Variants in ATR observed in about 807,000 individuals in gnomAD.
ATR encodes the protein ATR checkpoint kinase, also known as serine/threonine-protein kinase ATR.
A neutral mutation model predicts 305.3 loss-of-function variants in ATR; 142 were observed. That is an observed-to-expected ratio of 0.47 (90% CI 0.41 to 0.53). ATR has a LOEUF of 0.53. ATR is among the 20% of genes least tolerant of loss of function. The pLI, the probability that ATR is intolerant of heterozygous loss-of-function variation, is 0.00. For synonymous variants in ATR, 1,050 were observed against 1,068.1 expected (o/e 0.98, Z 0.33); for missense variants, 2,135 against 3,133.1 (o/e 0.68, Z 7.60).
chr3:142,515,322 T>C (rs2108379656), intron 25 of ATR, 73 bp downstream of exon 25: 4 of 1,573,410 alleles, frequency 2.5e-6, no homozygotes, highest in Non-Finnish European at 3.5e-6. Context: ...TTGTGTGTGC[T>C]AGGCATTCAG....
chr3:142,505,234 A>C lies in ATR; in HGVS notation c.5101T>G (p.Ser1701Ala), dbSNP rs2108355738. 1 of 1,614,112 alleles carries C rather than the reference A, an allele frequency of 6.2e-7. No homozygotes were observed. Among genetic ancestry groups the C allele is most frequent in the South Asian group, 1.1e-5 (1 of 91,078 alleles). Reference protein sequence around the residue: ...GVSAIRKAEPSLKEQILEHES... With the variant: ...GVSAIRKAEPALKEQILEHES... ...TGTTCAAGGATCTGTTCTTTTAGAG[A>C]TGGTTCTGCCTTTCTAATTGCACTG... Residue 1701 changes from serine (S) to alanine (A), a missense_variant, in exon 29 of 47, where the codon TCT becomes GCT. By Grantham distance (99) the Ser-to-Ala change is moderately conservative. Coordinates refer to ENST00000350721, the MANE Select transcript of ATR (RefSeq NM_001184.4).
chr3:142,485,630 G>C (rs1024050302), intron 35 of ATR, among the ~76,000 whole-genome samples: 2 of 152,158 alleles, frequency 1.3e-5, no homozygotes, highest in Admixed American at 6.5e-5. Flanking sequence ...ATATGTGTGT[G>C]TGTGTATATA....
chr3:142,458,954 A>T lies in ATR; in HGVS notation c.7503+4T>A, dbSNP rs2108259777. 1 of 1,613,462 alleles carries T rather than the reference A, an allele frequency of 6.2e-7. No individual in the cohort carries two copies. The highest frequency in any genetic ancestry group is 2.2e-5 in the East Asian group (1 of 44,858). ...AATTAGTAAGAGTAACTCATATCACATACCTTATTGAAAAGACAATTGAAA... is the reference window on the plus strand; with the variant it reads ...AATTAGTAAGAGTAACTCATATCACTTACCTTATTGAAAAGACAATTGAAA... On this transcript the variant is annotated splice_donor_region_variant and intron_variant, in intron 44 of 46. Coordinates refer to ENST00000350721, the MANE Select transcript of ATR (RefSeq NM_001184.4).
intron 38 of ATR, among the ~76,000 whole-genome samples, chr3:142,468,823 C>G (rs1209382708): frequency 6.6e-6 from 1 of 152,018 alleles, no homozygotes; most frequent in African/African-American, 2.4e-5. Context: ...GATCCCATCT[C>G]TACAAAAAGA....
chr3:142,451,421 T>G, intron 46 of ATR: 1 of 1,486,354 alleles, frequency 6.7e-7, no homozygotes, highest in Non-Finnish European at 9.0e-7. Context: ...GAAATATTTT[T>G]CTTCATGGCC....
rs1328712830 is a variant in ATR at position 142,497,035 on chromosome 3, C to T, written c.5716G>A (p.Ala1906Thr). 1 of 1,612,640 alleles carries T rather than the reference C, an allele frequency of 6.2e-7. No individual in the cohort carries two copies. The highest frequency in any genetic ancestry group is 8.5e-7 in the Non-Finnish European group (1 of 1,179,568). Reference protein sequence around the residue: ...AKEPILALRRALLSLNKRPDY... With the variant: ...AKEPILALRRTLLSLNKRPDY... ...AACCTTTTGTTGAGGCTTAGTAAAG[C>T]CCTCCGGAGAGCCAGGATAGGCTCC... The change falls in exon 33 of 47, where the codon GCT (alanine) becomes ACT (threonine). Residue 1906 changes from alanine to threonine, a missense_variant. Ala to Thr is a moderately conservative substitution (Grantham distance 58). Transcript: ENST00000350721.
At chr3:142,554,539 T>C (rs1269138808) in intron 10 of ATR, among the ~76,000 whole-genome samples, 1 of 152,226 alleles carries the variant, frequency 6.6e-6, no homozygotes, top group African/African-American at 2.4e-5. Context: ...ATAAATAATT[T>C]AAATCTAAAA....
chr3:142,453,266 T>A, intron 45 of ATR, 33 bp from the exon 46 acceptor site: 3 of 1,600,974 alleles, frequency 1.9e-6, no homozygotes, highest in Non-Finnish European at 2.6e-6. Flanking sequence ...GGTATGATGT[T>A]ATCTTTGCAA....
At chr3:142,520,948 C>T (rs1304710854) in intron 23 of ATR, among the ~76,000 whole-genome samples, 8 of 152,132 alleles carry the variant, frequency 5.3e-5, no homozygotes, top group Non-Finnish European at 8.8e-5. Context: ...GGCTTCAAAG[C>T]TTCAAAGGAC....
chr3:142,562,294 C>G lies in ATR; in HGVS notation c.1108G>C (p.Val370Leu). The stretch of plus-strand genomic sequence containing the variant: ...GCTTTACAAATATTTCTCACATAGA[C>G]CTTCCTGACTTGTAAAGCAGATTCA... ...GYESALQVRK[V>L]YVRNICKALL... The change falls in exon 4 of 47, where the codon GTC becomes CTC. Residue 370 changes from valine to leucine, a missense_variant. Physicochemically the swap from Val to Leu is conservative, Grantham distance 32. This residue lies in a region of ATR where 744 missense variants were observed against 873.2 expected (regional missense o/e 0.85). Transcript: ENST00000350721. 1.9e-6 allele frequency: 3 copies of G among 1,614,096 alleles called. No homozygotes were observed. The highest frequency in any genetic ancestry group is 1.7e-6 in the Non-Finnish European group (2 of 1,179,986).
chr3:142,467,159 C>A (rs2071149341), intron 39 of ATR, among the ~76,000 whole-genome samples: 1 of 152,096 alleles, frequency 6.6e-6, no homozygotes, highest in Non-Finnish European at 1.5e-5. Context: ...CTGATGCACT[C>A]TGAATATTTG....
chr3:142,461,601 T>C (rs189184474), intron 42 of ATR, among the ~76,000 whole-genome samples: 2 of 152,310 alleles, frequency 1.3e-5, no homozygotes, highest in Admixed American at 6.5e-5. Flanking sequence ...GCTCTCATTA[T>C]ACAACATATT....
chr3:142,464,697 G>C (rs1423334537), intron 41 of ATR, among the ~76,000 whole-genome samples: 1 of 152,188 alleles, frequency 6.6e-6, no homozygotes, highest in East Asian at 1.9e-4. Context: ...AATGGTGGCT[G>C]CTGGAGGCTG....
chr3:142,480,119 G>A (rs556732454), intron 36 of ATR, among the ~76,000 whole-genome samples: 14 of 152,282 alleles, frequency 9.2e-5, no homozygotes, highest in Admixed American at 5.2e-4. Context: ...GCTTTGTTCC[G>A]TTGCTGGTGA....
chr3:142,569,102 A>C (rs2035175262), intron 1 of ATR, among the ~76,000 whole-genome samples: 1 of 152,186 alleles, frequency 6.6e-6, no homozygotes, highest in African/African-American at 2.4e-5. Flanking sequence ...GCGAGAACTT[A>C]GGGTGCTTTT....
chr3:142,451,318 T>C (rs576518645), intron 46 of ATR: 2 of 1,260,708 alleles, frequency 1.6e-6, no homozygotes, highest in Non-Finnish European at 2.0e-6. Flanking sequence ...CCTGTCCTTA[T>C]GGCCAGTGTT....
chr3:142,453,357 C>G (rs1243127224), intron 45 of ATR, 124 bp from the exon 46 acceptor site: 39 of 1,224,380 alleles, frequency 3.2e-5, no homozygotes, highest in Non-Finnish European at 4.1e-5. Flanking sequence ...ATTACTACGT[C>G]TTCATTAAGT....
At chr3:142,514,196 C>G (rs902293306) in intron 25 of ATR, among the ~76,000 whole-genome samples, 1 of 151,862 alleles carries the variant, frequency 6.6e-6, no homozygotes, top group Non-Finnish European at 1.5e-5. Flanking sequence ...CCACTTAAAC[C>G]CGGGAGGCGG....
At position 142,449,300 on chromosome 3, in the gene ATR, C is replaced by T; in HGVS notation, c.*129G>A. ...TATTATTTTACATATAATTAATGAT[C>T]AGAGAGAAATAACAGTTGCTGAGAA... On this transcript the variant is annotated 3_prime_UTR_variant, in exon 47 of 47. Coordinates refer to ENST00000350721, the MANE Select transcript of ATR (RefSeq NM_001184.4). The T allele has an allele frequency of 3.7e-6, 3 of 801,182 alleles. No individual in the cohort carries two copies. The highest frequency in any genetic ancestry group is 6.0e-6 in the Non-Finnish European group (3 of 501,620). The allele number at this position is 801,182 out of a possible 1,614,324, so 49.6% of individuals were successfully genotyped here. A position where few individuals can be genotyped will look rare whatever the true frequency, so the allele number is the denominator to read the frequency against.
Sources: gnomAD v4.1 joint callset for allele counts (sites outside exome capture counted in the v4.1 genomes callset) on GRCh38, gnomAD v4.1.1 for gene constraint, gnomAD v4.1.1 regional missense constraint, MANE v1.5 for transcripts, NCBI Gene and HGNC (gene_info 2026-07-23, HGNC 2026-07-21) for gene names.